The following ST18 variants were observed in gnomAD, a reference collection of about 807,000 sequenced individuals.
ST18 encodes suppression of tumorigenicity 18 protein.
A neutral mutation model predicts 110.0 loss-of-function variants in ST18; 50 were observed. The observed-to-expected ratio is 0.45, with a 90% CI of 0.36 to 0.58. The LOEUF is 0.58. ST18 is among the 20% of genes least tolerant of loss of function. The probability of loss-of-function intolerance (pLI) is 0.00; values close to 1 mark genes in which losing one functional copy is unlikely to be tolerated. For synonymous variants in ST18, 461 were observed against 452.4 expected (o/e 1.02, Z -0.24); for missense variants, 1,306 against 1,280.1 (o/e 1.02, Z -0.31).
chr8:52,225,339 A>G (rs576249612), intron 3 of ST18, among the ~76,000 whole-genome samples: 1 of 152,212 alleles, frequency 6.6e-6, no homozygotes, highest in South Asian at 2.1e-4. Context: ...ACCTTGTGGG[A>G]AAAAAAAGTT....
At chr8:52,371,512 G>A (rs1028907298) in intron 2 of ST18, among the ~76,000 whole-genome samples, 6 of 152,144 alleles carry the variant, frequency 3.9e-5, no homozygotes, top group African/African-American at 1.4e-4. Context: ...GATATTAGGT[G>A]CTGTTAAAAA....
rs187634941 is a variant in ST18, at chr8:52,223,563, G to A, written c.-418-1770C>T. On this transcript the variant is annotated intron_variant, in intron 3 of 25. Transcript: ENST00000689386. ...GGAGGCTGAGGCACAAGAATCACTTGAGCCCAGGAGGCAGAGGTTGCAGTG... is the reference window on the plus strand; with the variant it reads ...GGAGGCTGAGGCACAAGAATCACTTAAGCCCAGGAGGCAGAGGTTGCAGTG... Among the ~76,000 whole-genome samples the A allele has an allele frequency of 2.1e-3, 319 of 151,822 alleles. 1 individual carries two copies. Among genetic ancestry groups the A allele is most frequent in the African/African-American group, 6.8e-3 (281 of 41,382 alleles).
At chr8:52,211,922 C>T (rs111755078) in intron 8 of ST18, among the ~76,000 whole-genome samples, 157 bp downstream of exon 8, 10 of 152,198 alleles carry the variant, frequency 6.6e-5, no homozygotes, top group African/African-American at 2.2e-4. Flanking sequence ...AATCATTCTC[C>T]TCCGCCTTCT....
chr8:52,159,299 T>G (rs1451976206), intron 14 of ST18, among the ~76,000 whole-genome samples, 190 bp from the exon 15 acceptor site: 2 of 152,182 alleles, frequency 1.3e-5, no homozygotes, highest in African/African-American at 4.8e-5. Context: ...ACAGAACAAA[T>G]GACATAATTG....
intron 2 of ST18, among the ~76,000 whole-genome samples, chr8:52,266,451 G>A (rs1181870175): frequency 1.3e-5 from 2 of 152,126 alleles, no homozygotes; most frequent in Non-Finnish European, 1.5e-5. Flanking sequence ...AAGTGGACAG[G>A]TGTGGAATCC....
chr8:52,225,019 C>T (rs1158759924), intron 3 of ST18, among the ~76,000 whole-genome samples: 1 of 152,184 alleles, frequency 6.6e-6, no homozygotes, highest in African/African-American at 2.4e-5. Context: ...TTGCAGATTG[C>T]TGAAGTCATC....
Position 52,211,375 on chromosome 8 carries a change from CTAAT to C in ST18, c.86+700_86+703del, listed in dbSNP as rs201490256. Reference sequence around the variant, plus strand: ...AAAATTAGTTACCTGATGGAATCATCTAATTATTATTATTATTATTATTATTATT... The same window carrying C: ...AAAATTAGTTACCTGATGGAATCATCTATTATTATTATTATTATTATTATT... On this transcript the variant is annotated intron_variant, in intron 8 of 25. Coordinates refer to ENST00000689386, the MANE Select transcript of ST18 (RefSeq NM_001352837.2). Among the ~76,000 whole-genome samples the C allele has an allele frequency of 3.6e-3, 456 of 127,898 alleles. 1 individual carries two copies. The highest frequency in any genetic ancestry group is 5.6e-3 in the Non-Finnish European group (339 of 60,022). 83.9% of individuals were successfully genotyped at this position (127,898 alleles called of 152,430 possible).
chr8:52,367,236 T>TCTCTCACACACACACA (rs1554851169), intron 2 of ST18, among the ~76,000 whole-genome samples: 1 of 120,190 alleles, frequency 8.3e-6, no homozygotes, highest in African/African-American at 3.1e-5. Flanking sequence ...GGACCCTGTC[T>TCTCTCACACACACACA]CACACACACA....
chr8:52,252,364 C>G (rs542940942), intron 2 of ST18, among the ~76,000 whole-genome samples: 22 of 152,042 alleles, frequency 1.4e-4, no homozygotes, highest in African/African-American at 5.3e-4. Context: ...TGTATGTTAA[C>G]TTTTTAAGGA....
At chr8:52,367,569 G>C (rs1477005450) in intron 2 of ST18, among the ~76,000 whole-genome samples, 3 of 152,174 alleles carry the variant, frequency 2.0e-5, no homozygotes, top group Non-Finnish European at 4.4e-5. Flanking sequence ...TGTGTGTGAT[G>C]AATATTACAT....
At chr8:52,133,419 A>C in intron 19 of ST18, 118 bp from the exon 20 acceptor site, 3 of 1,206,884 alleles carry the variant, frequency 2.5e-6, no homozygotes, top group Non-Finnish European at 3.6e-6. Flanking sequence ...TCTGTAGTTC[A>C]CGTGGAGGGA....
rs1158213340 is a variant in ST18 at position 52,113,954 on chromosome 8, G to GTT, written c.3004-618_3004-617dup. On this transcript the variant is annotated intron_variant, in intron 25 of 25. Coordinates refer to ENST00000689386, the MANE Select transcript of ST18 (RefSeq NM_001352837.2). ...CAAAGTTTAAATTTATTCATACCGT[G>GTT]TTTTTTTTTTTTTTTTTTTTTTTTT... 6.8e-3 allele frequency among the ~76,000 whole-genome samples: 307 copies of GTT among 45,434 alleles called. 91 individuals carry two copies. Among genetic ancestry groups the GTT allele is most frequent in the African/African-American group, 7.8e-3 (96 of 12,240 alleles). The allele number at this position is 45,434 out of a possible 152,430, so 29.8% of individuals were successfully genotyped here. A position where few individuals can be genotyped will look rare whatever the true frequency, so the allele number is the denominator to read the frequency against.
At chr8:52,290,985 T>C (rs1220279937) in intron 2 of ST18, among the ~76,000 whole-genome samples, 1 of 152,158 alleles carries the variant, frequency 6.6e-6, no homozygotes, top group East Asian at 1.9e-4. Context: ...TTAAAAAGCA[T>C]CTCCCTGTGG....
chr8:52,215,611 T>G (rs1376225699), intron 6 of ST18, among the ~76,000 whole-genome samples: 1 of 152,254 alleles, frequency 6.6e-6, no homozygotes, highest in Non-Finnish European at 1.5e-5. Context: ...GTTCACTGCC[T>G]TTGCTGAACA....
intron 2 of ST18, among the ~76,000 whole-genome samples, chr8:52,357,042 C>T (rs887331677): frequency 2.0e-5 from 3 of 152,026 alleles, no homozygotes; most frequent in Non-Finnish European, 2.9e-5. Flanking sequence ...TGTAACAAAC[C>T]TCCACATGTA....
chr8:52,355,444 G>C (rs1437440411), intron 2 of ST18, among the ~76,000 whole-genome samples: 2 of 152,160 alleles, frequency 1.3e-5, no homozygotes, highest in Non-Finnish European at 2.9e-5. Context: ...GGACAAACAG[G>C]CTGGTATGTT....
intron 2 of ST18, among the ~76,000 whole-genome samples, chr8:52,314,669 C>CCAA (rs1323194549): frequency 1.3e-5 from 2 of 152,166 alleles, no homozygotes; most frequent in Non-Finnish European, 2.9e-5. Flanking sequence ...ATCCAACAAC[C>CCAA]CAACCAACCA....
At chr8:52,279,122 G>T (rs140316088) in intron 2 of ST18, among the ~76,000 whole-genome samples, 121 of 152,198 alleles carry the variant, frequency 8.0e-4, no homozygotes, top group African/African-American at 2.7e-3. Flanking sequence ...AAAATTGTGG[G>T]AATAACAGTT....
At chr8:52,268,451 A>G (rs147014376) in intron 2 of ST18, among the ~76,000 whole-genome samples, 2 of 149,894 alleles carry the variant, frequency 1.3e-5, no homozygotes, top group African/African-American at 2.4e-5. Flanking sequence ...CTATCTATCT[A>G]TCGTCTATCT....
Sources: gnomAD v4.1 joint callset for allele counts (sites outside exome capture counted in the v4.1 genomes callset) on GRCh38, gnomAD v4.1.1 for gene constraint, MANE v1.5 for transcripts, NCBI Gene and HGNC (gene_info 2026-07-23, HGNC 2026-07-21) for gene names.